ARHGAP8: variants seen among roughly 807,000 people sequenced by gnomAD.
The protein encoded by ARHGAP8 is rho GTPase-activating protein 8.
ARHGAP8 carries 62 observed loss-of-function variants against 46.1 expected under a neutral mutation model. The ratio of observed to expected loss-of-function variants is 1.34; its 90% CI spans 1.10 to 1.66. ARHGAP8 has a LOEUF of 1.66. ARHGAP8 is among the 40% of genes most tolerant of loss of function. ARHGAP8 has a pLI of 0.00. For synonymous variants in ARHGAP8, 375 were observed against 243.1 expected, an observed-to-expected ratio of 1.54 and a Z score of -5.05; for missense variants, 923 against 568.4, an observed-to-expected ratio of 1.62 and a Z score of -6.34.
intron 3 of ARHGAP8, among the ~76,000 whole-genome samples, chr22:44,804,045 C>T (rs1176173836): frequency 1.3e-5 from 2 of 151,656 alleles, no homozygotes; most frequent in African/African-American, 2.4e-5. Context: ...AGCGTGGGCC[C>T]GGGCCTCACG....
chr22:44,798,171 T>C (rs1177938711), intron 2 of ARHGAP8, among the ~76,000 whole-genome samples: 2 of 151,482 alleles, frequency 1.3e-5, no homozygotes, highest in Admixed American at 1.3e-4. Context: ...AGATGGGGTT[T>C]CACCATGTTA....
intron 2 of ARHGAP8, among the ~76,000 whole-genome samples, chr22:44,796,543 T>C (rs1928098947): frequency 6.6e-6 from 1 of 152,020 alleles, no homozygotes; most frequent in Non-Finnish European, 1.5e-5. Flanking sequence ...CTGTGGCCTG[T>C]GATCCCATCA....
chr22:44,801,646 T>TGCCCAGGAGCCATTGTC (rs891996372), intron 2 of ARHGAP8, among the ~76,000 whole-genome samples: 1 of 152,206 alleles, frequency 6.6e-6, no homozygotes, highest in Non-Finnish European at 1.5e-5. Context: ...CATGAGGTCA[T>TGCCCAGGAGCCATTGTC]GCCCAGGAGC....
chr22:44,798,544 T>C (rs75104861), intron 2 of ARHGAP8, among the ~76,000 whole-genome samples: 1 of 118,856 alleles, frequency 8.4e-6, no homozygotes, highest in Admixed American at 8.7e-5. Context: ...TTTTTTTTTT[T>C]GGGTAGGGCT....
intron 5 of ARHGAP8, among the ~76,000 whole-genome samples, chr22:44,816,365 C>T (rs939776639): frequency 1.3e-5 from 2 of 152,178 alleles, no homozygotes; most frequent in Non-Finnish European, 2.9e-5. Context: ...ATGGACAGCT[C>T]AGGCTCTCAG....
chr22:44,763,085 C>G (rs1925268684), intron 1 of ARHGAP8, among the ~76,000 whole-genome samples: 2 of 152,116 alleles, frequency 1.3e-5, no homozygotes, highest in Non-Finnish European at 2.9e-5. Flanking sequence ...AATTGTGAAA[C>G]AACAAGGCTA....
chr22:44,761,605 C>T (rs780480551), intron 1 of ARHGAP8, among the ~76,000 whole-genome samples: 5 of 152,140 alleles, frequency 3.3e-5, no homozygotes, highest in East Asian at 1.9e-4. Flanking sequence ...CCCCAAGGGA[C>T]GTCTGTAAAC....
At chr22:44,860,851 G>A (rs3830114) in intron 11 of ARHGAP8, among the ~76,000 whole-genome samples, 58,139 of 151,946 alleles carry the variant, frequency 0.38, 11,418 homozygotes, top group East Asian at 0.56. Context: ...CCAGGCCTTC[G>A]CCCCAGGCTG....
At chr22:44,767,636 C>A (rs1239304877) in intron 1 of ARHGAP8, among the ~76,000 whole-genome samples, 1 of 151,888 alleles carries the variant, frequency 6.6e-6, no homozygotes, top group Non-Finnish European at 1.5e-5. Context: ...CTTTGGAAAA[C>A]AACCCCCTAC....
At chr22:44,830,497 A>ATT (rs35991194) in intron 7 of ARHGAP8, among the ~76,000 whole-genome samples, 13 of 148,628 alleles carry the variant, frequency 8.7e-5, no homozygotes, top group East Asian at 2.0e-4. Context: ...TGCGAGCTAA[A>ATT]TTTTTTTTTT....
intron 10 of ARHGAP8, among the ~76,000 whole-genome samples, chr22:44,858,470 C>T (rs1176663757): frequency 2.0e-5 from 3 of 148,414 alleles, no homozygotes. Context: ...TGAGTTCAAG[C>T]AATTCTCCAG....
chr22:44,852,019 C>T (rs1277416211), intron 10 of ARHGAP8, among the ~76,000 whole-genome samples: 3 of 151,526 alleles, frequency 2.0e-5, no homozygotes, highest in Non-Finnish European at 4.4e-5. Context: ...GGTGAAACCC[C>T]GTCTCCACTA....
chr22:44,851,746 G>A (rs2070099259), intron 10 of ARHGAP8, among the ~76,000 whole-genome samples: 1 of 151,852 alleles, frequency 6.6e-6, no homozygotes, highest in Non-Finnish European at 1.5e-5. Flanking sequence ...AGGCTGAGGT[G>A]GGAGATCACC....
At chr22:44,828,295 T>G (rs1371787305) in intron 7 of ARHGAP8, among the ~76,000 whole-genome samples, 2 of 152,192 alleles carry the variant, frequency 1.3e-5, no homozygotes, top group African/African-American at 4.8e-5. Flanking sequence ...GAACAACTCT[T>G]GCACTCCCAC....
At position 44,825,589 on chromosome 22, in the gene ARHGAP8, C is replaced by T. The variant is rs768402468; in HGVS notation, c.592C>T (p.Gln198Ter). The T allele has an allele frequency of 6.2e-7, 1 of 1,612,384 alleles. No homozygotes were observed. Among genetic ancestry groups the T allele is most frequent in the African/African-American group, 1.3e-5 (1 of 74,970 alleles). ...CACACAGCAGTTTGGCGTCAGTCTG[C>T]AATAGTAAGTGAGCCGGGGATGTGC... is the stretch of plus-strand genomic sequence containing the variant. ...LPTQQFGVSL[Q>*]YLKDKNQGEL... Residue 198 changes from glutamine to a stop codon, truncating the protein, a stop_gained, in exon 7 of 12, where the codon CAA (glutamine) becomes TAA (stop). Transcript: ENST00000356099. LOFTEE classifies it high-confidence loss of function.
intron 5 of ARHGAP8, among the ~76,000 whole-genome samples, chr22:44,820,955 T>G (rs1364825630): frequency 6.6e-6 from 1 of 152,216 alleles, no homozygotes; most frequent in Non-Finnish European, 1.5e-5. Flanking sequence ...ATCTCCGTAT[T>G]TTTTGTTTTT....
intron 10 of ARHGAP8, among the ~76,000 whole-genome samples, chr22:44,853,501 G>A (rs563958691): frequency 2.4e-4 from 36 of 152,268 alleles, no homozygotes; most frequent in Admixed American, 1.6e-3. Context: ...GCAAGCGTGC[G>A]CCGTAGTTTT....
At chr22:44,786,085 C>T in intron 1 of ARHGAP8, 1 of 321,370 alleles carries the variant, frequency 3.1e-6, no homozygotes, top group Admixed American at 4.6e-5. Flanking sequence ...TGGATGGGCA[C>T]TTGGTGTACA....
At chr22:44,760,362 C>A (rs76889119) in intron 1 of ARHGAP8, among the ~76,000 whole-genome samples, 1,749 of 152,286 alleles carry the variant, frequency 0.011, 11 homozygotes, top group Middle Eastern at 0.017. Context: ...CTCCTGCCCC[C>A]ATCATTCCTG....
Sources: allele counts gnomAD v4.1 joint callset (sites outside exome capture counted in the v4.1 genomes callset), GRCh38; gene constraint gnomAD v4.1.1; transcripts MANE v1.5; gene names NCBI Gene and HGNC (gene_info 2026-07-23, HGNC 2026-07-21).